The following LRP1B variants were observed in gnomAD, a reference collection of about 807,000 sequenced individuals.
LRP1B encodes the protein low-density lipoprotein receptor-related protein 1B.
In LRP1B, 217 loss-of-function variants were observed where a neutral mutation model predicts 556.6. That is an observed-to-expected ratio of 0.39 (90% CI 0.35 to 0.44). The LOEUF (loss-of-function observed/expected upper bound fraction) is 0.44, where lower values mean the gene tolerates loss of function less well. Among genes scored for constraint, LRP1B ranks in the 20% least tolerant of loss-of-function variants. LRP1B has a pLI of 1.00. For missense variants in LRP1B, 5,053 were observed against 5,620.8 expected (o/e 0.90, Z 3.23); for synonymous variants, 2,047 against 1,865.8 (o/e 1.10, Z -2.50).
At chr2:140,940,176 C>T (rs746045513) in intron 20 of LRP1B, among the ~76,000 whole-genome samples, 27 of 151,946 alleles carry the variant, frequency 1.8e-4, no homozygotes, top group Non-Finnish European at 2.5e-4. Context: ...TGAGCCACCA[C>T]GCCCAGCCTA....
intron 2 of LRP1B, among the ~76,000 whole-genome samples, chr2:141,740,029 A>G (rs1376333641): frequency 6.6e-6 from 1 of 152,148 alleles, no homozygotes; most frequent in Non-Finnish European, 1.5e-5. Flanking sequence ...GAAAAAATAA[A>G]ACAAAAATTA....
intron 7 of LRP1B, among the ~76,000 whole-genome samples, chr2:141,082,420 T>C (rs963589219): frequency 6.6e-6 from 1 of 152,246 alleles, no homozygotes; most frequent in African/African-American, 2.4e-5. Context: ...CTCATCTTAC[T>C]ATCTTTATTC....
intron 43 of LRP1B, among the ~76,000 whole-genome samples, chr2:140,583,794 G>T (rs563334347): frequency 2.6e-5 from 4 of 151,864 alleles, no homozygotes; most frequent in African/African-American, 9.6e-5. Flanking sequence ...CAAAATTCCT[G>T]TGTAAATAAA....
chr2:141,588,264 A>G (rs554311621), intron 2 of LRP1B, among the ~76,000 whole-genome samples: 1 of 151,750 alleles, frequency 6.6e-6, no homozygotes, highest in East Asian at 1.9e-4. Flanking sequence ...TTATCATAAG[A>G]GTGTGTTGGC....
At chr2:141,724,180 T>C (rs1157406238) in intron 2 of LRP1B, among the ~76,000 whole-genome samples, 3 of 151,964 alleles carry the variant, frequency 2.0e-5, no homozygotes, top group South Asian at 4.1e-4. Context: ...AATTAGTGTA[T>C]ATTTTCAAAT....
intron 86 of LRP1B, among the ~76,000 whole-genome samples, chr2:140,267,587 T>C (rs2104938983): frequency 6.6e-6 from 1 of 152,086 alleles, no homozygotes; most frequent in African/African-American, 2.4e-5. Flanking sequence ...GTGCTGAGCC[T>C]GTACAAACTT....
rs1699351332 is a variant in LRP1B at position 141,062,071 on chromosome 2, T to C, written c.1216A>G (p.Thr406Ala). 3 of 1,611,724 alleles carry C rather than the reference T, an allele frequency of 1.9e-6. No homozygotes were observed. The highest frequency in any genetic ancestry group is 2.5e-6 in the Non-Finnish European group (3 of 1,178,414). ...VVDYQGKNRH[T>A]VIQGRQVRHL... ...CTTACTTGTCTGCCTTGAATGACAG[T>C]GTGTCTATTTTTTCCTTGATAGTCC... is the stretch of plus-strand genomic sequence containing the variant. The change falls in exon 8 of 91, where the codon ACT becomes GCT. Residue 406 changes from threonine to alanine, a missense_variant. Coordinates refer to ENST00000389484, the MANE Select transcript of LRP1B (RefSeq NM_018557.3).
chr2:140,569,306 T>C (rs1028807535), intron 43 of LRP1B, among the ~76,000 whole-genome samples: 3 of 151,990 alleles, frequency 2.0e-5, no homozygotes, highest in Non-Finnish European at 4.4e-5. Flanking sequence ...AGCAGTATGC[T>C]ACTTAAAAAG....
chr2:141,250,910 G>A (rs987482244), intron 4 of LRP1B, among the ~76,000 whole-genome samples: 1 of 152,068 alleles, frequency 6.6e-6, no homozygotes, highest in Non-Finnish European at 1.5e-5. Flanking sequence ...CCAGCGGAGG[G>A]GTAACATAAG....
intron 79 of LRP1B, among the ~76,000 whole-genome samples, chr2:140,328,023 T>C (rs1209870066): frequency 1.3e-5 from 2 of 152,068 alleles, no homozygotes; most frequent in African/African-American, 2.4e-5. Flanking sequence ...CAACTAACTT[T>C]TCCTGTTACA....
intron 3 of LRP1B, among the ~76,000 whole-genome samples, chr2:141,341,305 A>C (rs1397999949): frequency 6.6e-6 from 1 of 152,210 alleles, no homozygotes; most frequent in Non-Finnish European, 1.5e-5. Context: ...CACTTCAGTT[A>C]TCTCTAATAA....
chr2:141,783,051 C>T (rs1695315984), intron 2 of LRP1B, among the ~76,000 whole-genome samples: 1 of 152,034 alleles, frequency 6.6e-6, no homozygotes, highest in Admixed American at 6.6e-5. Context: ...TTCATCCATT[C>T]ATTCATTCAC....
intron 3 of LRP1B, among the ~76,000 whole-genome samples, chr2:141,284,181 A>C (rs937851513): frequency 2.6e-5 from 4 of 152,216 alleles, no homozygotes; most frequent in Non-Finnish European, 5.9e-5. Context: ...ATAAAAAAGA[A>C]GGGACTAGCT....
intron 43 of LRP1B, among the ~76,000 whole-genome samples, chr2:140,574,464 G>GA (rs1466421782): frequency 1.3e-5 from 2 of 151,964 alleles, no homozygotes; most frequent in Non-Finnish European, 2.9e-5. Context: ...TTTGCTCAGG[G>GA]AAAAAAATAT....
At chr2:142,079,096 A>T (rs9973706) in intron 1 of LRP1B, among the ~76,000 whole-genome samples, 112,482 of 152,098 alleles carry the variant, frequency 0.74, 42,092 homozygotes, top group Non-Finnish European at 0.78. Context: ...CCATTTAATT[A>T]ATTTTTGCAA....
In LRP1B at chr2:141,811,335, C is replaced by T. The variant is rs149084247; in HGVS notation, c.83-934G>A. On this transcript the variant is annotated intron_variant, in intron 1 of 90. Coordinates refer to ENST00000389484, the MANE Select transcript of LRP1B (RefSeq NM_018557.3). Reference sequence around the variant, plus strand: ...ATAACTCAAGATTTTAAAAATCCAACATTAAATAGGTCTCGGTGAGCTCTT... The same window carrying T: ...ATAACTCAAGATTTTAAAAATCCAATATTAAATAGGTCTCGGTGAGCTCTT... 4.4e-4 allele frequency among the ~76,000 whole-genome samples: 67 copies of T among 151,838 alleles called. No homozygotes were observed. In the East Asian group the frequency reaches 0.013, roughly 29 times the overall value.
chr2:141,423,368 G>A (rs1423533220), intron 3 of LRP1B, among the ~76,000 whole-genome samples: 1 of 146,102 alleles, frequency 6.8e-6, no homozygotes, highest in Non-Finnish European at 1.5e-5. Context: ...GCAGTTAACT[G>A]GCAACAATAA....
chr2:140,867,528 A>G, intron 27 of LRP1B, 62 bp downstream of exon 27: 1 of 1,481,728 alleles, frequency 6.7e-7, no homozygotes, highest in Non-Finnish European at 9.0e-7. Context: ...TACTTCAAAT[A>G]TTATATGATT....
intron 88 of LRP1B, among the ~76,000 whole-genome samples, chr2:140,238,971 A>G (rs531329298): frequency 6.6e-6 from 1 of 151,010 alleles, no homozygotes; most frequent in East Asian, 2.0e-4. Context: ...TTCTAGATCT[A>G]TAAGTTCATT....
Sources: gnomAD v4.1 joint callset for allele counts (sites outside exome capture counted in the v4.1 genomes callset) on GRCh38, gnomAD v4.1.1 for gene constraint, MANE v1.5 for transcripts, NCBI Gene and HGNC (gene_info 2026-07-23, HGNC 2026-07-21) for gene names.